AP2A2: variants seen among roughly 807,000 people sequenced by gnomAD.
AP2A2 encodes the protein AP-2 complex subunit alpha-2.
Under a neutral mutation model 104.2 loss-of-function variants are expected in AP2A2, and 32 were observed. The ratio of observed to expected loss-of-function variants is 0.31; its 90% confidence interval spans 0.23 to 0.41. AP2A2 has a LOEUF of 0.41. Ranked by LOEUF, AP2A2 falls within the 10% of genes least tolerant of loss-of-function variation. The pLI, the probability that AP2A2 is intolerant of heterozygous loss-of-function variation, is 1.00. For synonymous variants in AP2A2, 539 were observed against 533.3 expected (o/e 1.01, Z -0.15); for missense variants, 912 against 1,261.0 (o/e 0.72, Z 4.19).
chr11:932,690 G>T, intron 1 of AP2A2: 1 of 456,236 alleles, frequency 2.2e-6, no homozygotes. Flanking sequence ...CCTTGCTCGG[G>T]TTGAATTTTT....
At chr11:947,919 G>GC (rs1853907719) in intron 1 of AP2A2, among the ~76,000 whole-genome samples, 1 of 152,126 alleles carries the variant, frequency 6.6e-6, no homozygotes, top group Non-Finnish European at 1.5e-5. Context: ...TCACGCCCCT[G>GC]CACTTCAGCC....
chr11:1,004,481 TAAAC>T (rs1856137883), intron 16 of AP2A2, among the ~76,000 whole-genome samples: 1 of 150,442 alleles, frequency 6.6e-6, no homozygotes, highest in Non-Finnish European at 1.5e-5. Context: ...AATAAATAAA[TAAAC>T]AGACTGGCCT....
Position 975,295 on chromosome 11 carries a change from C to T in AP2A2, c.474-1800C>T, listed in dbSNP as rs547604448. On this transcript the variant is annotated intron_variant, in intron 4 of 21. Transcript: ENST00000448903. ...CGGTATCCCTCGTGTGAGCCGACAT[C>T]GGAGAGTAGCAGTGGGGTCCTCGGT... Among the ~76,000 whole-genome samples, 319 of 150,374 alleles carry T rather than the reference C, an allele frequency of 2.1e-3. 1 individual carries two copies. The highest frequency in any genetic ancestry group is 7.0e-3 in the African/African-American group (284 of 40,726).
intron 4 of AP2A2, among the ~76,000 whole-genome samples, chr11:975,037 C>T (rs901742574): frequency 2.6e-5 from 4 of 152,170 alleles, no homozygotes; most frequent in African/African-American, 9.7e-5. Context: ...TGGAGGACTG[C>T]TGGTGTGTGT....
At position 1,008,063 on chromosome 11, in the gene AP2A2, A is replaced by T; in HGVS notation, c.2348A>T (p.Gln783Leu). ...PVDPTVEGGA[Q>L]VQQVVNIECV... ...GACCCGACCGTGGAGGGGGGCGCGC[A>T]GGTGCAGCAGGTGGTCAACATAGAG... The change falls in exon 18 of 22, where the codon CAG becomes CTG. Residue 783 changes from glutamine to leucine, a missense_variant. Around this residue, in one of 7 missense-constraint regions of AP2A2, gnomAD observed 239 missense variants for 329.8 expected, o/e 0.72. Transcript: ENST00000448903. The T allele has an allele frequency of 6.3e-7, 1 of 1,590,512 alleles. No homozygotes were observed.
At position 993,272 on chromosome 11, in the gene AP2A2, T is replaced by G. The variant is rs774876840; in HGVS notation, c.1453-12T>G. ...CTGGCTGCCACCCCGGCTCATTGTTTGTGCTTCGCAGGCTCTTCAGGCTCC... is the reference window on the plus strand; with the variant it reads ...CTGGCTGCCACCCCGGCTCATTGTTGGTGCTTCGCAGGCTCTTCAGGCTCC... On this transcript the variant is annotated splice_polypyrimidine_tract_variant and intron_variant, in intron 11 of 21. Transcript: ENST00000448903. The surrounding 1 kb of genome is among the most constrained non-coding windows in gnomAD (Gnocchi z 8.2). 29 of 1,600,524 alleles carry G rather than the reference T, an allele frequency of 1.8e-5. No homozygotes were observed. In the South Asian group the frequency reaches 3.0e-4, roughly 17 times the overall value.
chr11:930,120 CAAA>C (rs1157025547), intron 1 of AP2A2, among the ~76,000 whole-genome samples: 2,388 of 51,806 alleles, frequency 0.046, 32 homozygotes, highest in African/African-American at 0.15. Flanking sequence ...GACTCTGTCT[CAAA>C]AAAAAAAAAA....
At chr11:1,008,738 G>T (rs1257584826) in intron 18 of AP2A2, 1 of 328,330 alleles carries the variant, frequency 3.0e-6, no homozygotes, top group African/African-American at 2.1e-5. Flanking sequence ...GTATACTGTA[G>T]AATTCGGGGA....
In AP2A2 at chr11:939,734, C is replaced by T. The variant is rs569695284; in HGVS notation, c.67+13646C>T. 5.3e-5 allele frequency among the ~76,000 whole-genome samples: 8 copies of T among 151,018 alleles called. No individual in the cohort carries two copies. In the East Asian group the frequency reaches 1.2e-3, roughly 22 times the overall value. On this transcript the variant is annotated intron_variant, in intron 1 of 21. Transcript: ENST00000448903. ...TGCTGGGATTACAGGCGTGAGCCACCGTGCCTGGCCTGTTTATTGATGCCT... is the reference window on the plus strand; with the variant it reads ...TGCTGGGATTACAGGCGTGAGCCACTGTGCCTGGCCTGTTTATTGATGCCT...
At chr11:1,008,237 G>A (rs1437511739) in intron 18 of AP2A2, 102 bp downstream of exon 18, 27 of 1,430,246 alleles carry the variant, frequency 1.9e-5, no homozygotes, top group South Asian at 1.9e-4. Context: ...GAGGGGACCC[G>A]GGGCGTGCGG....
chr11:995,372 C>T (rs1206503056), intron 14 of AP2A2: 20 of 455,756 alleles, frequency 4.4e-5, no homozygotes. Flanking sequence ...TGCGTTTTTG[C>T]TTGGCTCTGC....
Position 992,373 on chromosome 11 carries a change from C to G in AP2A2, c.1270-130C>G. ...TTTTTGAGAATCGAGTTCAAGCTTC[C>G]TCCATGTCCCAAACTTTTGTAGACA... On this transcript the variant is annotated intron_variant, in intron 10 of 21. Coordinates refer to ENST00000448903, the MANE Select transcript of AP2A2 (RefSeq NM_012305.4). The surrounding 1 kb of genome is among the most constrained non-coding windows in gnomAD (Gnocchi z 6.4). 1 of 923,450 alleles carries G rather than the reference C, an allele frequency of 1.1e-6. No individual in the cohort carries two copies. Among genetic ancestry groups the G allele is most frequent in the Non-Finnish European group, 1.7e-6 (1 of 596,166 alleles). 57.2% of individuals were successfully genotyped at this position (923,450 alleles called of 1,614,324 possible). A position where few individuals can be genotyped will look rare whatever the true frequency, so the allele number is the denominator to read the frequency against.
chr11:927,673 T>C (rs1853163258), intron 1 of AP2A2, among the ~76,000 whole-genome samples: 1 of 151,810 alleles, frequency 6.6e-6, no homozygotes, highest in Non-Finnish European at 1.5e-5. Flanking sequence ...GAAAATTAGC[T>C]GGGCGTATTG....
chr11:982,743 C>T (rs1855292912), intron 6 of AP2A2, among the ~76,000 whole-genome samples: 1 of 150,798 alleles, frequency 6.6e-6, no homozygotes, highest in Non-Finnish European at 1.5e-5. Flanking sequence ...CTCTGCCTCC[C>T]AGGTTCAAGC....
At chr11:935,145 C>T (rs1351541530) in intron 1 of AP2A2, among the ~76,000 whole-genome samples, 3 of 150,528 alleles carry the variant, frequency 2.0e-5, no homozygotes, top group Admixed American at 1.3e-4. Flanking sequence ...CCTCTGCCTC[C>T]CAGGTTCAAG....
At chr11:931,665 A>G (rs1853295797) in intron 1 of AP2A2, among the ~76,000 whole-genome samples, 1 of 152,212 alleles carries the variant, frequency 6.6e-6, no homozygotes, top group Non-Finnish European at 1.5e-5. Flanking sequence ...AGATGTTATT[A>G]GCAAGATGGC....
rs754906495 is a variant in AP2A2, at chr11:1,009,420, C to T, written c.2607+23C>T. 24 of 1,601,440 alleles carry T rather than the reference C, an allele frequency of 1.5e-5. No homozygotes were observed. In the Middle Eastern group the frequency reaches 1.4e-3, roughly 94 times the overall value. ...AAGGTAACACGTCTGGAGGGACGGC[C>T]CCGGGGGACACGCAGCCCGTGACCC... On this transcript the variant is annotated intron_variant, in intron 20 of 21. Transcript: ENST00000448903.
Position 1,009,754 on chromosome 11 carries a change from C to T in AP2A2, c.2679C>T (p.Ile893=), listed in dbSNP as rs1173274602. 8.4e-6 allele frequency: 13 copies of T among 1,553,166 alleles called. No homozygotes were observed. In the East Asian group the frequency reaches 3.2e-4, roughly 38 times the overall value. ...PNPANFVGAG[I]IHTKTTQIGC... ...CTGCGAATTTCGTGGGAGCTGGAAT[C>T]ATCCACACGAAAACCACCCAGATTG... Residue 893 remains isoleucine (I), a synonymous_variant, in exon 21 of 22, where the codon ATC becomes ATT. Coordinates refer to ENST00000448903, the MANE Select transcript of AP2A2 (RefSeq NM_012305.4).
At chr11:981,931 G>C (rs1855256166) in intron 6 of AP2A2, among the ~76,000 whole-genome samples, 1 of 152,286 alleles carries the variant, frequency 6.6e-6, no homozygotes, top group African/African-American at 2.4e-5. Flanking sequence ...TGCCAGACCA[G>C]CTTCCCCTGC....
Sources: allele counts gnomAD v4.1 joint callset (sites outside exome capture counted in the v4.1 genomes callset), GRCh38; gene constraint gnomAD v4.1.1; regional missense constraint gnomAD v4.1.1; non-coding constraint Gnocchi (gnomAD v3.1); transcripts MANE v1.5; gene names NCBI Gene and HGNC (gene_info 2026-07-23, HGNC 2026-07-21).